EDIL3: variants seen among roughly 807,000 people sequenced by gnomAD.
EDIL3 encodes EGF-like repeat and discoidin I-like domain-containing protein 3.
A neutral mutation model predicts 67.4 loss-of-function variants in EDIL3; 37 were observed. That is an observed-to-expected ratio of 0.55 (90% CI 0.42 to 0.72). EDIL3 has a LOEUF of 0.72. Ranked by LOEUF, EDIL3 falls within the 30% of genes least tolerant of loss-of-function variation. The pLI, the probability that EDIL3 is intolerant of heterozygous loss-of-function variation, is 0.00. For synonymous variants in EDIL3, 195 were observed against 196.3 expected (o/e 0.99, Z 0.05); for missense variants, 527 against 586.3 (o/e 0.90, Z 1.04).
chr5:84,147,436 A>T (rs555768919), intron 4 of EDIL3, among the ~76,000 whole-genome samples: 1 of 152,136 alleles, frequency 6.6e-6, no homozygotes, highest in Non-Finnish European at 1.5e-5. Flanking sequence ...GAAATGGAGG[A>T]GTCATAATAA....
intron 9 of EDIL3, among the ~76,000 whole-genome samples, chr5:83,977,164 T>G (rs1216405805): frequency 1.3e-5 from 2 of 151,852 alleles, no homozygotes; most frequent in Non-Finnish European, 2.9e-5. Context: ...ATAAGAACAA[T>G]TTTCAAATAT....
intron 3 of EDIL3, among the ~76,000 whole-genome samples, chr5:84,225,114 C>G (rs1211401604): frequency 6.6e-6 from 1 of 151,550 alleles, no homozygotes; most frequent in African/African-American, 2.4e-5. Context: ...ACTGAATCTA[C>G]CCTGATAACT....
At chr5:84,163,499 T>C (rs903667776) in intron 4 of EDIL3, among the ~76,000 whole-genome samples, 5 of 152,234 alleles carry the variant, frequency 3.3e-5, no homozygotes, top group Admixed American at 6.5e-5. Flanking sequence ...CTTTTTAACA[T>C]ATAAGACCAT....
At chr5:84,030,104 C>T (rs560534738) in intron 9 of EDIL3, among the ~76,000 whole-genome samples, 114 of 152,236 alleles carry the variant, frequency 7.5e-4, no homozygotes, top group Admixed American at 7.4e-3. Flanking sequence ...TTTGAATGAC[C>T]TAAAAGTCCC....
chr5:84,236,104 C>A (rs1178159898), intron 2 of EDIL3, among the ~76,000 whole-genome samples: 1 of 151,994 alleles, frequency 6.6e-6, no homozygotes, highest in Admixed American at 6.6e-5. Flanking sequence ...ATTTGTGATT[C>A]TCTCATTTTA....
chr5:84,379,052 G>A (rs1328613361), intron 1 of EDIL3, among the ~76,000 whole-genome samples: 2 of 152,090 alleles, frequency 1.3e-5, no homozygotes, highest in Admixed American at 6.5e-5. Context: ...GAAAGAGACG[G>A]AATGAAGGAG....
chr5:84,116,125 T>G (rs560375412), intron 5 of EDIL3, among the ~76,000 whole-genome samples: 1 of 151,274 alleles, frequency 6.6e-6, no homozygotes, highest in Non-Finnish European at 1.5e-5. Context: ...CTGTACAATG[T>G]AGTTATCTTT....
intron 1 of EDIL3, among the ~76,000 whole-genome samples, chr5:84,358,902 A>G (rs2055383): frequency 0.43 from 65,446 of 151,930 alleles, 14,338 homozygotes; most frequent in Middle Eastern, 0.52. Context: ...AAGCCACCGC[A>G]CCCAGCTATC....
intron 9 of EDIL3, among the ~76,000 whole-genome samples, chr5:84,015,728 T>C (rs373260296): frequency 9.2e-5 from 14 of 152,246 alleles, no homozygotes; most frequent in African/African-American, 3.1e-4. Flanking sequence ...ATAATGGTTT[T>C]CATCAGCTCT....
At chr5:84,024,647 C>T (rs566990036) in intron 9 of EDIL3, among the ~76,000 whole-genome samples, 1 of 152,234 alleles carries the variant, frequency 6.6e-6, no homozygotes, top group South Asian at 2.1e-4. Context: ...GAATCTCTGA[C>T]TTGGGGTCCA....
chr5:84,232,617 A>G (rs575241717), intron 2 of EDIL3, among the ~76,000 whole-genome samples: 35 of 152,330 alleles, frequency 2.3e-4, no homozygotes, highest in African/African-American at 8.2e-4. Context: ...CTTTGTTACA[A>G]ATTAACAGAA....
At chr5:84,056,284 A>T (rs1746445099) in intron 9 of EDIL3, among the ~76,000 whole-genome samples, 1 of 151,938 alleles carries the variant, frequency 6.6e-6, no homozygotes, top group Non-Finnish European at 1.5e-5. Context: ...GCACACTTGG[A>T]CACAGGAAGG....
rs867400540 is a variant in EDIL3, at chr5:84,117,031, T to A, written c.470-10201A>T. The stretch of plus-strand genomic sequence containing the variant: ...CAAGTTAAGTACTTATTTTTTTTTT[T>A]TTTTTTTTTTTTTTGAGACGGAGTC... On this transcript the variant is annotated intron_variant, in intron 5 of 10. Coordinates refer to ENST00000296591, the MANE Select transcript of EDIL3 (RefSeq NM_005711.5). Among the ~76,000 whole-genome samples, 175 of 127,930 alleles carry A rather than the reference T, an allele frequency of 1.4e-3. 1 individual carries two copies. The highest frequency in any genetic ancestry group is 6.0e-3 in the African/African-American group (172 of 28,658). 83.9% of individuals were successfully genotyped at this position (127,930 alleles called of 152,430 possible).
At chr5:84,358,001 G>A (rs758962763) in intron 1 of EDIL3, among the ~76,000 whole-genome samples, 7 of 151,636 alleles carry the variant, frequency 4.6e-5, no homozygotes, top group South Asian at 4.2e-4. Flanking sequence ...AGTGGTAGTC[G>A]CCACAAGAAA....
chr5:84,037,052 C>T (rs544396029), intron 9 of EDIL3, among the ~76,000 whole-genome samples: 1 of 152,230 alleles, frequency 6.6e-6, no homozygotes, highest in African/African-American at 2.4e-5. Flanking sequence ...GGGTACCCAG[C>T]TGAGAGGATG....
At chr5:84,016,250 G>A (rs16900821) in intron 9 of EDIL3, among the ~76,000 whole-genome samples, 3,897 of 152,186 alleles carry the variant, frequency 0.026, 168 homozygotes, top group African/African-American at 0.088. Flanking sequence ...TCTGAATGCC[G>A]TGTGATGTGG....
At chr5:84,291,136 C>T (rs1021764751) in intron 1 of EDIL3, among the ~76,000 whole-genome samples, 7 of 152,120 alleles carry the variant, frequency 4.6e-5, no homozygotes, top group Non-Finnish European at 7.3e-5. Flanking sequence ...GCAAGTTACT[C>T]GTAGCTGCTT....
intron 5 of EDIL3, among the ~76,000 whole-genome samples, chr5:84,113,314 T>C (rs1318419281): frequency 6.6e-6 from 1 of 152,222 alleles, no homozygotes; most frequent in Non-Finnish European, 1.5e-5. Context: ...CATTCAACAT[T>C]GGCTACCAGA....
intron 3 of EDIL3, among the ~76,000 whole-genome samples, chr5:84,224,386 T>C (rs1212296193): frequency 2.0e-5 from 3 of 151,594 alleles, no homozygotes; most frequent in African/African-American, 7.2e-5. Flanking sequence ...CTACACCTTA[T>C]AGTTAAATTA....
Sources: allele counts gnomAD v4.1 joint callset (sites outside exome capture counted in the v4.1 genomes callset), GRCh38; gene constraint gnomAD v4.1.1; transcripts MANE v1.5; gene names NCBI Gene and HGNC (gene_info 2026-07-23, HGNC 2026-07-21).